DIP2A: variants seen among roughly 807,000 people sequenced by gnomAD.
DIP2A encodes disco-interacting protein 2 homolog A.
DIP2A carries 85 observed loss-of-function variants against 177.4 expected under a neutral mutation model. The observed-to-expected ratio is 0.48, with a 90% confidence interval of 0.40 to 0.57. The LOEUF is 0.57. Among genes scored for constraint, DIP2A ranks in the 20% least tolerant of loss-of-function variants. The pLI is 0.00. For missense variants in DIP2A, 1,791 were observed against 2,100.2 expected (o/e 0.85, Z 2.88); for synonymous variants, 886 against 881.8 (o/e 1.00, Z -0.08).
intron 1 of DIP2A, among the ~76,000 whole-genome samples, chr21:46,482,233 A>C (rs1267603151): frequency 6.6e-6 from 1 of 152,382 alleles, no homozygotes; most frequent in East Asian, 1.9e-4. Context: ...ATAAGGGAGT[A>C]CTATGAACAA....
chr21:46,564,809 G>A (rs1431157681), intron 35 of DIP2A, among the ~76,000 whole-genome samples: 4 of 152,212 alleles, frequency 2.6e-5, no homozygotes, highest in African/African-American at 4.8e-5. Flanking sequence ...GTGTCCTGAT[G>A]GGAAGGTGTC....
Position 46,546,965 on chromosome 21 carries a change from A to G in DIP2A, c.2445A>G (p.Gly815=). ...AACTGGACGGGCTGATGGTCACTGG[A>G]GTTCGCAGACACAATGCAGATGACG... The part of the protein sequence containing the change: ...VGKLDGLMVT[G]VRRHNADDVV... The change falls in exon 21 of 38, where the codon GGA becomes GGG. Residue 815 remains glycine (G), a synonymous_variant. Coordinates refer to ENST00000417564, the MANE Select transcript of DIP2A (RefSeq NM_015151.4). 6.2e-7 allele frequency: 1 copy of G among 1,613,948 alleles called. No homozygotes were observed. The highest frequency in any genetic ancestry group is 1.1e-5 in the South Asian group (1 of 91,070).
At chr21:46,561,893 G>A (rs1214570322) in intron 34 of DIP2A, 88 bp downstream of exon 34, 28 of 1,569,246 alleles carry the variant, frequency 1.8e-5, no homozygotes, top group Non-Finnish European at 2.3e-5. Context: ...GGGGGCTGCG[G>A]CTCTGATGAA....
At chr21:46,565,581 CAATG>C (rs2060810886) in intron 35 of DIP2A, 128 bp from the exon 36 acceptor site, 4 of 904,218 alleles carry the variant, frequency 4.4e-6, no homozygotes, top group Admixed American at 2.9e-5. Context: ...AAATAAGAGA[CAATG>C]AATATTATCC....
chr21:46,504,636 C>T, intron 6 of DIP2A, 147 bp downstream of exon 6: 1 of 981,476 alleles, frequency 1.0e-6, no homozygotes, highest in Non-Finnish European at 1.4e-6. Flanking sequence ...CCAGTGTGTG[C>T]AGTTAATGTT....
chr21:46,506,522 C>T (rs1472089896), intron 6 of DIP2A, among the ~76,000 whole-genome samples: 1 of 152,108 alleles, frequency 6.6e-6, no homozygotes, highest in Non-Finnish European at 1.5e-5. Context: ...ACACCCTTTC[C>T]AACAGTTGGT....
chr21:46,555,143 G>T (rs1171178231), intron 28 of DIP2A, among the ~76,000 whole-genome samples: 2 of 152,188 alleles, frequency 1.3e-5, no homozygotes, highest in Non-Finnish European at 2.9e-5. Flanking sequence ...CACAGCAGCC[G>T]CACCCAGTCC....
chr21:46,550,358 G>A (rs2060225953), intron 22 of DIP2A, among the ~76,000 whole-genome samples, 185 bp from the exon 23 acceptor site: 1 of 152,166 alleles, frequency 6.6e-6, no homozygotes. Context: ...CCCTTTCTGA[G>A]TTAAATGGTA....
chr21:46,546,193 G>A, intron 20 of DIP2A: 2 of 1,314,430 alleles, frequency 1.5e-6, no homozygotes, highest in South Asian at 4.8e-5. Context: ...TCCCCGGGGT[G>A]GATGAGGATG....
At chr21:46,497,553 G>A (rs2057424811) in intron 4 of DIP2A, among the ~76,000 whole-genome samples, 1 of 152,180 alleles carries the variant, frequency 6.6e-6, no homozygotes. Context: ...GGTTGATTTT[G>A]TTGTTGTTTT....
At chr21:46,522,863 C>T (rs2058885099) in intron 8 of DIP2A, among the ~76,000 whole-genome samples, 1 of 152,096 alleles carries the variant, frequency 6.6e-6, no homozygotes, top group African/African-American at 2.4e-5. Context: ...GCTGTTAGAC[C>T]TTGAATATCT....
In DIP2A at chr21:46,557,172, T is replaced by C; in HGVS notation, c.3629+103T>C. On this transcript the variant is annotated intron_variant, in intron 30 of 37. Transcript: ENST00000417564. This position sits in a 1 kb window ranked among gnomAD's most constrained non-coding sequence, Gnocchi z 6.0. ...CTTTTCTGGGTGCTCAGGAAGCCGA[T>C]GAGATGTGTGTGAGTGGGTTTGTTT... is the stretch of plus-strand genomic sequence containing the variant. The C allele has an allele frequency of 7.5e-7, 1 of 1,341,982 alleles. No individual in the cohort carries two copies. The highest frequency in any genetic ancestry group is 1.0e-6 in the Non-Finnish European group (1 of 1,000,244). 83.1% of individuals were successfully genotyped at this position (1,341,982 alleles called of 1,614,324 possible). A position where few individuals can be genotyped will look rare whatever the true frequency, so the allele number is the denominator to read the frequency against.
chr21:46,564,229 T>C (rs138094396), intron 35 of DIP2A, among the ~76,000 whole-genome samples: 201 of 152,298 alleles, frequency 1.3e-3, no homozygotes, highest in Non-Finnish European at 2.3e-3. Flanking sequence ...GGAAAACAGC[T>C]ACCTTGTGCA....
chr21:46,571,620 T>C (rs2060968535), downstream of DIP2A, among the ~76,000 whole-genome samples: 1 of 152,206 alleles, frequency 6.6e-6, no homozygotes, highest in South Asian at 2.1e-4. Context: ...TTCACATCCC[T>C]TGTAAGTTGT....
At chr21:46,506,031 C>T (rs181904926) in intron 6 of DIP2A, among the ~76,000 whole-genome samples, 1 of 152,302 alleles carries the variant, frequency 6.6e-6, no homozygotes, top group Admixed American at 6.5e-5. Context: ...AATAATCAAT[C>T]TTGTATACGT....
chr21:46,547,296 A>C, intron 21 of DIP2A: 9 of 1,072,736 alleles, frequency 8.4e-6, no homozygotes, highest in Non-Finnish European at 1.1e-5. Flanking sequence ...GCAAAGGCTC[A>C]AGGGGACAAA....
chr21:46,567,506 A>G lies in DIP2A; in HGVS notation c.4600A>G (p.Ile1534Val). 6.2e-7 allele frequency: 1 copy of G among 1,613,844 alleles called. No homozygotes were observed. Among genetic ancestry groups the G allele is most frequent in the Admixed American group, 1.7e-5 (1 of 59,998 alleles). Residue 1534 changes from isoleucine to valine, a missense_variant, in exon 38 of 38, where the codon ATC becomes GTC. Physicochemically the swap from Ile to Val is conservative, Grantham distance 29. Coordinates refer to ENST00000417564, the MANE Select transcript of DIP2A (RefSeq NM_015151.4). ...EHYLVVGVVV[I>V]VDPGVIPINS... ...CTACCTGGTCGTGGGAGTGGTGGTC[A>G]TCGTGGACCCAGGGGTGATCCCTAT...
chr21:46,468,851 A>G (rs2055097842), intron 1 of DIP2A, among the ~76,000 whole-genome samples: 2 of 152,364 alleles, frequency 1.3e-5, no homozygotes, highest in South Asian at 4.1e-4. Context: ...AATCATGTCG[A>G]TTTAAAAAAA....
At chr21:46,524,459 A>G (rs898408076) in intron 8 of DIP2A, among the ~76,000 whole-genome samples, 10 of 152,136 alleles carry the variant, frequency 6.6e-5, no homozygotes, top group East Asian at 5.8e-4. Context: ...AAGTCGGCCA[A>G]TTGGTGCTGT....
Sources: allele counts gnomAD v4.1 joint callset (sites outside exome capture counted in the v4.1 genomes callset), GRCh38; gene constraint gnomAD v4.1.1; non-coding constraint Gnocchi (gnomAD v3.1); transcripts MANE v1.5; gene names NCBI Gene and HGNC (gene_info 2026-07-23, HGNC 2026-07-21).